Variants in STPG4 observed in about 807,000 individuals in gnomAD.
STPG4 encodes protein STPG4.
STPG4 carries 41 observed loss-of-function variants against 31.5 expected under a neutral mutation model. That is an observed-to-expected ratio of 1.30 (90% CI 1.01 to 1.69). The LOEUF (loss-of-function observed/expected upper bound fraction) is 1.69, where lower values mean the gene tolerates loss of function less well. Ranked by LOEUF, STPG4 falls within the 40% of genes most tolerant of loss-of-function variation. The pLI, the probability that STPG4 is intolerant of heterozygous loss-of-function variation, is 0.00. For synonymous variants in STPG4, 141 were observed against 103.0 expected (o/e 1.37, Z -2.24); for missense variants, 375 against 293.4 (o/e 1.28, Z -2.03).
At chr2:47,087,550 T>C (rs941215672) in intron 6 of STPG4, among the ~76,000 whole-genome samples, 2 of 152,216 alleles carry the variant, frequency 1.3e-5, no homozygotes, top group East Asian at 1.9e-4. Flanking sequence ...CTGAACCTGA[T>C]TGGTCTAACT....
chr2:47,120,779 GCTAT>G (rs548889708), intron 5 of STPG4, among the ~76,000 whole-genome samples: 22 of 152,082 alleles, frequency 1.4e-4, no homozygotes, highest in Admixed American at 4.6e-4. Context: ...CTCAGGGCTA[GCTAT>G]CAATAGGTAT....
At chr2:47,137,238 T>A (rs145235600) in intron 3 of STPG4, among the ~76,000 whole-genome samples, 37 of 152,332 alleles carry the variant, frequency 2.4e-4, no homozygotes, top group African/African-American at 8.9e-4. Context: ...TCTATTGACA[T>A]GATTATGTGA....
chr2:47,144,162 T>C (rs959295764), intron 3 of STPG4, among the ~76,000 whole-genome samples: 6 of 152,366 alleles, frequency 3.9e-5, no homozygotes, highest in Non-Finnish European at 8.8e-5. Flanking sequence ...TCCATGTTTC[T>C]AGTTGAAAAT....
intron 1 of STPG4, among the ~76,000 whole-genome samples, chr2:47,153,652 T>A (rs1470233896): frequency 6.6e-6 from 1 of 152,140 alleles, no homozygotes; most frequent in African/African-American, 2.4e-5. Context: ...CTCAGAAGGC[T>A]GTAATCCCTA....
chr2:47,144,904 G>C (rs750509440), intron 3 of STPG4, among the ~76,000 whole-genome samples: 17 of 152,188 alleles, frequency 1.1e-4, no homozygotes, highest in Non-Finnish European at 2.4e-4. Context: ...CTAATTTTTT[G>C]TATTTTCAGT....
At chr2:47,151,016 T>G (rs1686924022) in intron 3 of STPG4, among the ~76,000 whole-genome samples, 1 of 150,826 alleles carries the variant, frequency 6.6e-6, no homozygotes, top group Admixed American at 6.6e-5. Flanking sequence ...CCACCAAGAG[T>G]TGCCCAAGAG....
intron 5 of STPG4, among the ~76,000 whole-genome samples, chr2:47,105,930 G>A (rs919380122): frequency 6.6e-6 from 1 of 152,016 alleles, no homozygotes; most frequent in African/African-American, 2.4e-5. Context: ...TGCATGCAAT[G>A]CAAAAATACA....
At chr2:47,102,375 C>A (rs949339004) in intron 5 of STPG4, among the ~76,000 whole-genome samples, 1 of 151,778 alleles carries the variant, frequency 6.6e-6, no homozygotes, top group African/African-American at 2.4e-5. Context: ...ACCCATAAAC[C>A]CTGAAAAAGA....
intron 3 of STPG4, among the ~76,000 whole-genome samples, chr2:47,133,926 T>C (rs970471807): frequency 6.6e-6 from 1 of 152,060 alleles, no homozygotes; most frequent in Non-Finnish European, 1.5e-5. Context: ...GGTATTAGTA[T>C]GGATATATAA....
intron 6 of STPG4, 74 bp downstream of exon 6, chr2:47,090,196 C>A (rs1430843444): frequency 3.1e-5 from 32 of 1,024,008 alleles, no homozygotes; most frequent in South Asian, 4.1e-5. Context: ...CTCCTACACA[C>A]ATAGAAACAG....
At chr2:47,139,171 T>C (rs1686656667) in intron 3 of STPG4, among the ~76,000 whole-genome samples, 1 of 152,260 alleles carries the variant, frequency 6.6e-6, no homozygotes. Context: ...GCTGTATTTG[T>C]CCATTTCTGA....
Position 47,093,667 on chromosome 2 carries a change from T to C in STPG4, c.520-3293A>G, listed in dbSNP as rs113963181. On this transcript the variant is annotated intron_variant, in intron 5 of 6. Coordinates refer to ENST00000445927, the MANE Select transcript of STPG4 (RefSeq NM_001163561.2). ...TCCAGGCATGAAGGCTGATGAAGCATGATGCATGGCCATCCCATCCAGCAG... is the reference window on the plus strand; with the variant it reads ...TCCAGGCATGAAGGCTGATGAAGCACGATGCATGGCCATCCCATCCAGCAG... 9.0e-3 allele frequency among the ~76,000 whole-genome samples: 1,364 copies of C among 152,340 alleles called. 20 individuals are homozygous for C. Among genetic ancestry groups the C allele is most frequent in the African/African-American group, 0.03 (1,233 of 41,574 alleles).
intron 5 of STPG4, among the ~76,000 whole-genome samples, chr2:47,099,644 C>A (rs559029680): frequency 6.6e-6 from 1 of 152,390 alleles, no homozygotes; most frequent in African/African-American, 2.4e-5. Context: ...CTTGAGGAGC[C>A]CTTCAGCCCA....
At chr2:47,131,788 G>A (rs1009911624) in intron 3 of STPG4, among the ~76,000 whole-genome samples, 2 of 152,182 alleles carry the variant, frequency 1.3e-5, no homozygotes, top group Non-Finnish European at 2.9e-5. Context: ...TTTCCATCAG[G>A]AAATTGTTGC....
intron 5 of STPG4, among the ~76,000 whole-genome samples, chr2:47,114,399 C>T (rs1051854206): frequency 2.6e-5 from 4 of 151,442 alleles, no homozygotes; most frequent in Admixed American, 1.3e-4. Context: ...CTCAGCTACT[C>T]GGGATGTTGA....
Position 47,105,486 on chromosome 2 carries a change from G to T in STPG4, c.520-15112C>A, listed in dbSNP as rs181021905. On this transcript the variant is annotated intron_variant, in intron 5 of 6. Transcript: ENST00000445927. ...TGGTGCTTCAAATACACACCTGCGT[G>T]GCCCTCAACCCTGCCACTTTTCTCC... Among the ~76,000 whole-genome samples the T allele has an allele frequency of 3.7e-4, 57 of 152,162 alleles. 2 individuals are homozygous for T. The highest frequency in any genetic ancestry group is 1.4e-3 in the African/African-American group (56 of 41,424).
At chr2:47,107,014 C>T (rs537094796) in intron 5 of STPG4, among the ~76,000 whole-genome samples, 7 of 152,056 alleles carry the variant, frequency 4.6e-5, no homozygotes, top group South Asian at 2.1e-4. Context: ...GCCCCTTCAT[C>T]GCCCCTCTCC....
chr2:47,146,333 C>G (rs555840831), intron 3 of STPG4, among the ~76,000 whole-genome samples: 2 of 152,254 alleles, frequency 1.3e-5, no homozygotes, highest in Admixed American at 1.3e-4. Flanking sequence ...ATGCACAGAA[C>G]AGCCCCCCGC....
At chr2:47,111,008 A>G (rs1042522980) in intron 5 of STPG4, among the ~76,000 whole-genome samples, 4 of 152,240 alleles carry the variant, frequency 2.6e-5, no homozygotes, top group African/African-American at 9.6e-5. Flanking sequence ...CCTTGATCAT[A>G]TCTTTGTATA....
Sources: gnomAD v4.1 joint callset for allele counts (sites outside exome capture counted in the v4.1 genomes callset) on GRCh38, gnomAD v4.1.1 for gene constraint, MANE v1.5 for transcripts, NCBI Gene and HGNC (gene_info 2026-07-23, HGNC 2026-07-21) for gene names.